The following SPMIP11 variants were observed in gnomAD, a reference collection of about 807,000 sequenced individuals.
SPMIP11 encodes the protein sperm microtubule inner protein 11, also known as long intergenic non-protein coding RNA 935.
At chr12:48,735,269 G>C in the SPMIP11 span, among the ~76,000 whole-genome samples, 1 of 152,156 alleles carries the variant, frequency 6.6e-6, no homozygotes, top group Non-Finnish European at 1.5e-5. Context: ...ACTCAGTCAA[G>C]CCAGTCCAGC....
chr12:48,756,848 C>G, the SPMIP11 span, among the ~76,000 whole-genome samples: 2 of 147,206 alleles, frequency 1.4e-5, no homozygotes, highest in Non-Finnish European at 3.0e-5. Flanking sequence ...GTCATCTTGG[C>G]TCACTGGAAC....
At chr12:48,744,283 G>A in the SPMIP11 span, among the ~76,000 whole-genome samples, 872 of 150,156 alleles carry the variant, frequency 5.8e-3, 7 homozygotes, top group African/African-American at 0.019. Flanking sequence ...GTACACGCCT[G>A]TAATCCCAGC....
chr12:48,738,946 T>C, the SPMIP11 span, among the ~76,000 whole-genome samples: 5 of 152,134 alleles, frequency 3.3e-5, no homozygotes, highest in African/African-American at 7.2e-5. Context: ...TGCTTTTTTT[T>C]CTTCATGAAG....
At chr12:48,752,080 C>A in the SPMIP11 span, among the ~76,000 whole-genome samples, 45,871 of 132,078 alleles carry the variant, frequency 0.35, 8,897 homozygotes, top group Non-Finnish European at 0.45. Flanking sequence ...AAAAAAAAAA[C>A]AAACAAACAA....
chr12:48,749,502 C>G, the SPMIP11 span, among the ~76,000 whole-genome samples: 5 of 150,822 alleles, frequency 3.3e-5, no homozygotes, highest in African/African-American at 1.2e-4. Flanking sequence ...GTGGCGTATG[C>G]CTGTAATCCC....
At chr12:48,736,768 T>C in the SPMIP11 span, among the ~76,000 whole-genome samples, 3 of 151,772 alleles carry the variant, frequency 2.0e-5, no homozygotes, top group Non-Finnish European at 4.4e-5. Flanking sequence ...TAAGAATGCA[T>C]AGGAGGTATG....
chr12:48,767,139 G>C, the SPMIP11 span: 1 of 152,666 alleles, frequency 6.6e-6, no homozygotes, highest in South Asian at 2.1e-4. Context: ...CAGCCCCAAA[G>C]CATACCATGT....
the SPMIP11 span, among the ~76,000 whole-genome samples, chr12:48,742,277 C>CTTTTTTTTTTTTTTTTTT: frequency 1.9e-4 from 17 of 87,218 alleles, 1 homozygote; most frequent in East Asian, 3.3e-4. Flanking sequence ...CTTTTCTTTT[C>CTTTTTTTTTTTTTTTTTT]CTTTTTTTTT....
the SPMIP11 span, among the ~76,000 whole-genome samples, chr12:48,762,356 C>CCT: frequency 1.6e-5 from 1 of 61,222 alleles, no homozygotes; most frequent in African/African-American, 9.8e-5. Flanking sequence ...CCCCGCCCAG[C>CCT]TTTTTTTTTT....
At chr12:48,728,382 A>G in the SPMIP11 span, among the ~76,000 whole-genome samples, 1 of 152,200 alleles carries the variant, frequency 6.6e-6, no homozygotes, top group Admixed American at 6.5e-5. Flanking sequence ...AAATGCTTCC[A>G]GAACTGGGTG....
At chr12:48,764,952 A>T in the SPMIP11 span, 1 of 702,894 alleles carries the variant, frequency 1.4e-6, no homozygotes, top group East Asian at 2.7e-5. Context: ...CATGCCATGG[A>T]TCCGGAGCCC....
the SPMIP11 span, among the ~76,000 whole-genome samples, chr12:48,731,967 G>A: frequency 6.6e-6 from 1 of 151,894 alleles, no homozygotes; most frequent in African/African-American, 2.4e-5. Flanking sequence ...TTACCAATAT[G>A]GCAAAACCGC....
chr12:48,750,062 C>G, the SPMIP11 span, among the ~76,000 whole-genome samples: 1 of 151,118 alleles, frequency 6.6e-6, no homozygotes, highest in Non-Finnish European at 1.5e-5. Flanking sequence ...ACCATTAAAA[C>G]TGCTTCAGGC....
At chr12:48,759,211 C>T in the SPMIP11 span, 4 of 702,726 alleles carry the variant, frequency 5.7e-6, no homozygotes, top group African/African-American at 7.0e-5. Context: ...AATTTCAGAC[C>T]AGAAGGAACC....
At chr12:48,754,246 A>AT in the SPMIP11 span, among the ~76,000 whole-genome samples, 337 of 152,036 alleles carry the variant, frequency 2.2e-3, no homozygotes, top group African/African-American at 7.5e-3. Context: ...ACAAAAAAAA[A>AT]TTTTTTTAAT....
the SPMIP11 span, among the ~76,000 whole-genome samples, chr12:48,743,713 G>A: frequency 3.3e-5 from 5 of 151,668 alleles, no homozygotes; most frequent in African/African-American, 9.7e-5. Flanking sequence ...AGGCCAAGGC[G>A]GGCGGATCGC....
At chr12:48,748,900 CT>C in the SPMIP11 span, among the ~76,000 whole-genome samples, 2 of 152,170 alleles carry the variant, frequency 1.3e-5, no homozygotes, top group Non-Finnish European at 2.9e-5. Context: ...GATCCCATTT[CT>C]TTTTGCCTTC....
chr12:48,768,228 G>A, the SPMIP11 span: 4 of 354,442 alleles, frequency 1.1e-5, no homozygotes, highest in Non-Finnish European at 1.6e-5. Context: ...TGAACCTGCT[G>A]CCCAGACAGA....
the SPMIP11 span, chr12:48,768,662 G>A: frequency 1.2e-6 from 2 of 1,614,074 alleles, no homozygotes; most frequent in Non-Finnish European, 1.7e-6. Flanking sequence ...ACCACCCCTC[G>A]ACACTCCAGC....
Sources: gnomAD v4.1 joint callset for allele counts (sites outside exome capture counted in the v4.1 genomes callset) on GRCh38, gnomAD v4.1.1 for gene constraint, MANE v1.5 for transcripts, NCBI Gene and HGNC (gene_info 2026-07-23, HGNC 2026-07-21) for gene names.